The following KTN1 variants were observed in gnomAD, a reference collection of about 807,000 sequenced individuals.
KTN1 encodes the protein kinectin.
KTN1 carries 130 observed loss-of-function variants against 222.5 expected under a neutral mutation model. The observed-to-expected ratio is 0.58, with a 90% CI of 0.51 to 0.68. KTN1 has a LOEUF of 0.68. Among genes scored for constraint, KTN1 ranks in the 30% least tolerant of loss-of-function variants. The probability of loss-of-function intolerance (pLI) is 0.00; values close to 1 mark genes in which losing one functional copy is unlikely to be tolerated. For missense variants in KTN1, 1,508 were observed against 1,500.4 expected (o/e 1.01, Z -0.08); for synonymous variants, 512 against 496.3 (o/e 1.03, Z -0.42).
chr14:55,615,332 A>G (rs1022091675), intron 2 of KTN1, among the ~76,000 whole-genome samples: 7 of 152,220 alleles, frequency 4.6e-5, no homozygotes, highest in African/African-American at 1.4e-4. Context: ...CTCTGTACGC[A>G]TTATACACTA....
At chr14:55,612,905 A>C (rs1451934635) in intron 2 of KTN1, among the ~76,000 whole-genome samples, 1 of 51,012 alleles carries the variant, frequency 2.0e-5, no homozygotes, top group Non-Finnish European at 8.7e-5. Flanking sequence ...ATTAAAAGAA[A>C]AAAAAAAAAC....
At chr14:55,670,538 G>C (rs1051330569) in intron 34 of KTN1, among the ~76,000 whole-genome samples, 191 bp from the exon 35 acceptor site, 1 of 151,888 alleles carries the variant, frequency 6.6e-6, no homozygotes, top group Non-Finnish European at 1.5e-5. Context: ...TTTAGTGCTT[G>C]TTTTTCAAAG....
intron 30 of KTN1, among the ~76,000 whole-genome samples, chr14:55,659,280 C>T (rs553286265): frequency 6.7e-6 from 1 of 149,136 alleles, no homozygotes; most frequent in African/African-American, 2.5e-5. Flanking sequence ...GGAAACATAA[C>T]TTGTCCTAGT....
intron 2 of KTN1, among the ~76,000 whole-genome samples, chr14:55,615,377 G>A (rs537803571): frequency 2.4e-3 from 179 of 74,378 alleles, no homozygotes; most frequent in African/African-American, 8.6e-3. Flanking sequence ...CTTTTCCCCC[G>A]TCCCTCCCCC....
chr14:55,637,200 T>G lies in KTN1; in HGVS notation c.1552T>G (p.Leu518Val). 1.3e-6 allele frequency: 2 copies of G among 1,597,232 alleles called. No individual in the cohort carries two copies. Among genetic ancestry groups the G allele is most frequent in the Non-Finnish European group, 1.7e-6 (2 of 1,170,342 alleles). The change falls in exon 11 of 44, where the codon TTA (leucine) becomes GTA (valine). Residue 518 changes from leucine to valine, a missense_variant and splice_region_variant. Leu to Val is a conservative substitution (Grantham distance 32, BLOSUM62 1). Transcript: ENST00000395314. ...TAAAATGTAATGTTTTATTACAGAT[T>G]TACAGAGTAAATTTGTGGCCAAAGA... ...TAEHEAAQQD[L>V]QSKFVAKENE... is the part of the protein sequence containing the mutation.
At position 55,619,311 on chromosome 14, in the gene KTN1, A is replaced by T. The variant is rs2038816046; in HGVS notation, c.962A>T (p.Lys321Met). The change falls in exon 5 of 44, where the codon AAG becomes ATG. Residue 321 changes from lysine (K) to methionine (M), a missense_variant and splice_region_variant. Coordinates refer to ENST00000395314, the MANE Select transcript of KTN1 (RefSeq NM_001079521.2). ...GGTGTAATACAAGATGCTTTAAAGAAGGTAAGCGTGTTTTTTGATTATGGG... is the reference window on the plus strand; with the variant it reads ...GGTGTAATACAAGATGCTTTAAAGATGGTAAGCGTGTTTTTTGATTATGGG... ...KSGVIQDALK[K>M]SSKGELTTLI... 6.2e-7 allele frequency: 1 copy of T among 1,613,044 alleles called. No individual in the cohort carries two copies. Among genetic ancestry groups the T allele is most frequent in the African/African-American group, 1.3e-5 (1 of 74,862 alleles).
At chr14:55,615,892 T>TTCTCTCTCTCTTTCTTTCTC (rs1555365256) in intron 2 of KTN1, among the ~76,000 whole-genome samples, 1,773 of 150,682 alleles carry the variant, frequency 0.012, 31 homozygotes, top group African/African-American at 0.037. Context: ...CTTTCTCTCT[T>TTCTCTCTCTCTTTCTTTCTC]TCTCTCTCTC....
At chr14:55,603,711 C>G (rs930469618) in intron 1 of KTN1, among the ~76,000 whole-genome samples, 1 of 152,188 alleles carries the variant, frequency 6.6e-6, no homozygotes, top group African/African-American at 2.4e-5. Context: ...ATATCTCCAG[C>G]CTTCACTTGT....
intron 1 of KTN1, among the ~76,000 whole-genome samples, chr14:55,599,280 A>T (rs1202272163): frequency 6.6e-6 from 1 of 151,540 alleles, no homozygotes; most frequent in Non-Finnish European, 1.5e-5. Context: ...GTTTTTTGGG[A>T]TCTACTCCCT....
intron 40 of KTN1, chr14:55,674,613 T>G (rs1046773574): frequency 3.9e-5 from 6 of 152,208 alleles, no homozygotes; most frequent in African/African-American, 1.4e-4. Context: ...CTCTATGTTT[T>G]TAAAAAATCA....
Position 55,617,993 on chromosome 14 carries a change from A to G in KTN1, c.691A>G (p.Thr231Ala). Residue 231 changes from threonine to alanine, a missense_variant, in exon 4 of 44, where the codon ACT becomes GCT. Transcript: ENST00000395314. Reference protein sequence around the residue: ...VFVDEPLIHATTYIPLMDNAD... With the variant: ...VFVDEPLIHAATYIPLMDNAD... The stretch of plus-strand genomic sequence containing the variant: ...CGTAGATGAACCCCTTATTCATGCA[A>G]CTACTTATATTCCTTTGATGGATAA... 6.2e-7 allele frequency: 1 copy of G among 1,600,756 alleles called. No individual in the cohort carries two copies. The highest frequency in any genetic ancestry group is 8.5e-7 in the Non-Finnish European group (1 of 1,175,252).
In KTN1 at chr14:55,671,958, T is replaced by TA. The variant is rs1249300122; in HGVS notation, c.3531+81_3531+82insA. 3.6e-6 allele frequency: 3 copies of TA among 827,128 alleles called. 1 individual carries two copies. In the East Asian group the frequency reaches 7.4e-5, roughly 20 times the overall value. The allele number at this position is 827,128 out of a possible 1,614,324, so 51.2% of individuals were successfully genotyped here. Reference sequence around the variant, plus strand: ...AGCAGCATCAGCATCACCATGCACATTCTTGGGCCCCAACCCAGCTACCAA... The same window carrying TA: ...AGCAGCATCAGCATCACCATGCACATATCTTGGGCCCCAACCCAGCTACCAA... On this transcript the variant is annotated intron_variant, in intron 37 of 43. Coordinates refer to ENST00000395314, the MANE Select transcript of KTN1 (RefSeq NM_001079521.2).
intron 21 of KTN1, among the ~76,000 whole-genome samples, 184 bp from the exon 22 acceptor site, chr14:55,649,592 T>C (rs1349245621): frequency 6.6e-6 from 1 of 152,240 alleles, no homozygotes; most frequent in African/African-American, 2.4e-5. Flanking sequence ...ACCTTAAAGC[T>C]ACCTATGTTC....
intron 3 of KTN1, 76 bp downstream of exon 3, chr14:55,616,730 C>A: frequency 1.7e-6 from 2 of 1,204,732 alleles, no homozygotes; most frequent in Non-Finnish European, 2.3e-6. Flanking sequence ...TGGAATCTCA[C>A]ACGCTCTTTA....
intron 13 of KTN1, 110 bp downstream of exon 13, chr14:55,639,332 T>C: frequency 1.5e-6 from 1 of 655,132 alleles, no homozygotes; most frequent in Admixed American, 2.7e-5. Flanking sequence ...GTTCAGAAAA[T>C]ACTCTGAACT....
At chr14:55,636,003 G>A (rs909122970) in intron 9 of KTN1, among the ~76,000 whole-genome samples, 5 of 152,136 alleles carry the variant, frequency 3.3e-5, no homozygotes, top group African/African-American at 1.2e-4. Flanking sequence ...TGACATTAAA[G>A]ATTATAGTCA....
At chr14:55,582,172 C>G (rs1192767529) in intron 1 of KTN1, among the ~76,000 whole-genome samples, 1 of 152,150 alleles carries the variant, frequency 6.6e-6, no homozygotes, top group East Asian at 1.9e-4. Context: ...AAGTATTTAA[C>G]TCTTAATGAT....
Position 55,653,029 on chromosome 14 carries a change from G to A in KTN1, c.2707G>A (p.Glu903Lys). The change falls in exon 27 of 44, where the codon GAA (glutamate) becomes AAA (lysine). Residue 903 changes from glutamate to lysine, a missense_variant. Coordinates refer to ENST00000395314, the MANE Select transcript of KTN1 (RefSeq NM_001079521.2). ...TGKWLQDLQEENESLKAHVQE... is the reference protein window; with the variant it reads ...TGKWLQDLQEKNESLKAHVQE... Reference sequence around the variant, plus strand: ...TATTCTTTTTAAGGATCTTCAAGAAGAAAATGAATCTTTAAAAGCACATGT... The same window carrying A: ...TATTCTTTTTAAGGATCTTCAAGAAAAAAATGAATCTTTAAAAGCACATGT... 1 of 1,604,858 alleles carries A rather than the reference G, an allele frequency of 6.2e-7. No homozygotes were observed. The highest frequency in any genetic ancestry group is 8.5e-7 in the Non-Finnish European group (1 of 1,172,290).
chr14:55,582,998 G>A (rs2140287015), intron 1 of KTN1, among the ~76,000 whole-genome samples: 1 of 152,236 alleles, frequency 6.6e-6, no homozygotes, highest in East Asian at 1.9e-4. Flanking sequence ...TTCAGTTCCT[G>A]TGAACATGAC....
Sources: allele counts gnomAD v4.1 joint callset (sites outside exome capture counted in the v4.1 genomes callset), GRCh38; gene constraint gnomAD v4.1.1; transcripts MANE v1.5; gene names NCBI Gene and HGNC (gene_info 2026-07-23, HGNC 2026-07-21).